The following SEC63 variants were observed in gnomAD, a reference collection of about 807,000 sequenced individuals.
SEC63 encodes SEC63 protein translocation regulator.
Under a neutral mutation model 116.2 loss-of-function variants are expected in SEC63, and 56 were observed. The observed-to-expected ratio is 0.48, with a 90% confidence interval of 0.39 to 0.60. The LOEUF (loss-of-function observed/expected upper bound fraction) is 0.60. SEC63 is among the 20% of genes least tolerant of loss of function. SEC63 has a pLI of 0.00. For synonymous variants in SEC63, 273 were observed against 294.6 expected (o/e 0.93, Z 0.75); for missense variants, 668 against 900.0 (o/e 0.74, Z 3.30).
intron 19 of SEC63, among the ~76,000 whole-genome samples, chr6:107,873,254 G>A (rs1786174370): frequency 6.6e-6 from 1 of 151,890 alleles, no homozygotes; most frequent in African/African-American, 2.4e-5. Flanking sequence ...ATGAAATGTT[G>A]GAATAAAACA....
intron 16 of SEC63, among the ~76,000 whole-genome samples, chr6:107,889,420 G>T (rs1476447251): frequency 1.3e-5 from 2 of 152,138 alleles, no homozygotes; most frequent in African/African-American, 4.8e-5. Context: ...TTGTATTTCT[G>T]TGGGATCAGT....
intron 16 of SEC63, among the ~76,000 whole-genome samples, chr6:107,888,339 A>G (rs1392662278): frequency 6.6e-6 from 1 of 151,914 alleles, no homozygotes; most frequent in East Asian, 1.9e-4. Context: ...TGGGTGTTTT[A>G]TTCTCTTTGC....
chr6:107,925,480 T>C (rs1175081961), intron 2 of SEC63, among the ~76,000 whole-genome samples: 1 of 152,206 alleles, frequency 6.6e-6, no homozygotes, highest in African/African-American at 2.4e-5. Flanking sequence ...CAATGCAACA[T>C]TTTGTAGCCA....
In SEC63 at chr6:107,867,770, A is replaced by C. The variant is rs967801950; in HGVS notation, c.*3934T>G. The C allele has an allele frequency of 2.6e-5, 4 of 152,292 alleles. No homozygotes were observed. The highest frequency in any genetic ancestry group is 6.5e-5 in the Admixed American group (1 of 15,300). The allele number at this position is 152,292 out of a possible 1,614,324, so 9.4% of individuals were successfully genotyped here. A position where few individuals can be genotyped will look rare whatever the true frequency, so the allele number is the denominator to read the frequency against. ...AAAAAAAAAAATTAATGCACCAATA[A>C]ATGTTTATTTATAAATAATAGAAGT... On this transcript the variant is annotated 3_prime_UTR_variant, in exon 21 of 21. Coordinates refer to ENST00000369002, the MANE Select transcript of SEC63 (RefSeq NM_007214.5).
chr6:107,901,072 G>T (rs1309398803), intron 13 of SEC63, among the ~76,000 whole-genome samples: 2 of 152,026 alleles, frequency 1.3e-5, no homozygotes, highest in African/African-American at 4.8e-5. Context: ...TATTATGCCT[G>T]GAAGTCTTCA....
intron 18 of SEC63, among the ~76,000 whole-genome samples, chr6:107,878,387 T>C (rs1213962624): frequency 3.9e-5 from 6 of 152,218 alleles, no homozygotes; most frequent in Non-Finnish European, 5.9e-5. Context: ...TGAGGTACAA[T>C]ATCACCTCTT....
Position 107,869,156 on chromosome 6 carries a change from T to C in SEC63, c.*2548A>G, listed in dbSNP as rs983431994. On this transcript the variant is annotated 3_prime_UTR_variant, in exon 21 of 21. Transcript: ENST00000369002. ...AAGCTGGGAGAAGCAGAGCAGAAGGTATTGTTCTACACAGAGAACTTCACT... is the reference window on the plus strand; with the variant it reads ...AAGCTGGGAGAAGCAGAGCAGAAGGCATTGTTCTACACAGAGAACTTCACT... 1.1e-4 allele frequency: 16 copies of C among 151,940 alleles called. No individual in the cohort carries two copies. The highest frequency in any genetic ancestry group is 3.9e-4 in the African/African-American group (16 of 41,342). 9.4% of individuals were successfully genotyped at this position (151,940 alleles called of 1,614,324 possible). A position where few individuals can be genotyped will look rare whatever the true frequency, so the allele number is the denominator to read the frequency against.
intron 14 of SEC63, among the ~76,000 whole-genome samples, chr6:107,897,107 T>C (rs200699673): frequency 1.3e-5 from 2 of 152,138 alleles, no homozygotes; most frequent in East Asian, 3.8e-4. Context: ...TCTACAGGTA[T>C]ACATACATTA....
chr6:107,914,967 C>CTTTGTTTAAGCAGTTG (rs1787365541), intron 4 of SEC63, among the ~76,000 whole-genome samples: 2 of 152,156 alleles, frequency 1.3e-5, no homozygotes, highest in East Asian at 3.8e-4. Context: ...AAACTGACTT[C>CTTTGTTTAAGCAGTTG]TACAACTGCT....
rs562121807 is a variant in SEC63 at position 107,935,751 on chromosome 6, C to A, written c.125-6237G>T. On this transcript the variant is annotated intron_variant, in intron 1 of 20. Transcript: ENST00000369002. Reference sequence around the variant, plus strand: ...CACTATTGTCCTATGACCCTGCCAACTCCCCCTCTGCGAGAAACACCCAAG... The same window carrying A: ...CACTATTGTCCTATGACCCTGCCAAATCCCCCTCTGCGAGAAACACCCAAG... 1.5e-4 allele frequency among the ~76,000 whole-genome samples: 23 copies of A among 151,436 alleles called. No homozygotes were observed. In the South Asian group the frequency reaches 2.5e-3, roughly 17 times the overall value.
chr6:107,926,151 A>C (rs998103000), intron 2 of SEC63, among the ~76,000 whole-genome samples: 1 of 152,142 alleles, frequency 6.6e-6, no homozygotes, highest in Non-Finnish European at 1.5e-5. Flanking sequence ...TACTAAAAAT[A>C]TTTGCTGTGG....
intron 18 of SEC63, 56 bp downstream of exon 18, chr6:107,881,093 A>C: frequency 7.9e-7 from 1 of 1,268,922 alleles, no homozygotes. Flanking sequence ...CAACTGACAA[A>C]TCCCTGAGGA....
chr6:107,868,537 C>G lies in SEC63; in HGVS notation c.*3167G>C, dbSNP rs1786052134. 5.9e-5 allele frequency: 9 copies of G among 152,266 alleles called. No homozygotes were observed. The highest frequency in any genetic ancestry group is 5.9e-4 in the Admixed American group (9 of 15,266). The allele number at this position is 152,266 out of a possible 1,614,324, so 9.4% of individuals were successfully genotyped here. On this transcript the variant is annotated 3_prime_UTR_variant, in exon 21 of 21. Transcript: ENST00000369002. ...GAGGTTGCAGTGAGCTGAGATCGTG[C>G]CACTGCACTCCTCCAGCCTGGAGGA...
chr6:107,935,278 G>A (rs1183300104), intron 1 of SEC63, among the ~76,000 whole-genome samples: 6 of 151,872 alleles, frequency 4.0e-5, no homozygotes, highest in Non-Finnish European at 5.9e-5. Context: ...CCACCACCCC[G>A]TCTGGGAGGT....
chr6:107,915,998 C>T (rs1476365141), intron 4 of SEC63, among the ~76,000 whole-genome samples: 1 of 152,062 alleles, frequency 6.6e-6, no homozygotes, highest in Non-Finnish European at 1.5e-5. Context: ...TAAAACTAAA[C>T]ACCTTATATT....
At chr6:107,896,455 G>A (rs905423085) in intron 14 of SEC63, among the ~76,000 whole-genome samples, 1 of 152,092 alleles carries the variant, frequency 6.6e-6, no homozygotes, top group African/African-American at 2.4e-5. Context: ...GACAGAGCTA[G>A]CTAGACTCCA....
At chr6:107,945,653 T>C (rs1770468312) in intron 1 of SEC63, among the ~76,000 whole-genome samples, 1 of 151,502 alleles carries the variant, frequency 6.6e-6, no homozygotes, top group Admixed American at 6.6e-5. Flanking sequence ...AAAGAAACAA[T>C]GTGATGGTGA....
intron 2 of SEC63, among the ~76,000 whole-genome samples, chr6:107,925,279 T>C (rs1787649503): frequency 6.6e-6 from 1 of 152,198 alleles, no homozygotes; most frequent in Admixed American, 6.5e-5. Context: ...TAAAAAAGAA[T>C]TGCTCTGACC....
intron 4 of SEC63, among the ~76,000 whole-genome samples, chr6:107,919,211 A>G (rs1327396535): frequency 1.3e-5 from 2 of 152,100 alleles, no homozygotes; most frequent in East Asian, 3.9e-4. Flanking sequence ...GCGCCTGGCC[A>G]GAAGTTGATT....
Sources: gnomAD v4.1 joint callset for allele counts (sites outside exome capture counted in the v4.1 genomes callset) on GRCh38, gnomAD v4.1.1 for gene constraint, MANE v1.5 for transcripts, NCBI Gene and HGNC (gene_info 2026-07-23, HGNC 2026-07-21) for gene names.